The following GOLM1 variants were observed in gnomAD, a reference collection of about 807,000 sequenced individuals.
The protein encoded by GOLM1 is epididymis luminal protein 46.
Under a neutral mutation model 50.5 loss-of-function variants are expected in GOLM1, and 31 were observed. That is an observed-to-expected ratio of 0.61 (90% CI 0.46 to 0.83). The LOEUF (loss-of-function observed/expected upper bound fraction) is 0.83, where lower values mean the gene tolerates loss of function less well. GOLM1 is among the 40% of genes least tolerant of loss of function. The pLI is 0.00. For missense variants in GOLM1, 491 were observed against 501.3 expected (o/e 0.98, Z 0.20); for synonymous variants, 178 against 192.8 (o/e 0.92, Z 0.64).
Position 86,079,279 on chromosome 9 carries a change from C to A in GOLM1, c.42G>T (p.Pro14=). Residue 14 remains proline (P), a synonymous_variant, in exon 2 of 10, where the codon CCG becomes CCT. Coordinates refer to ENST00000388712, the MANE Select transcript of GOLM1 (RefSeq NM_016548.4). ...CCACCAGGGCGGCCAGCACGAGGGG[C>A]GGCGACTTCATGCTGCGACGCCCGT... ...LGNGRRSMKS[P]PLVLAALVAC... 1 of 1,609,014 alleles carries A rather than the reference C, an allele frequency of 6.2e-7. No individual in the cohort carries two copies. Among genetic ancestry groups the A allele is most frequent in the Non-Finnish European group, 8.5e-7 (1 of 1,176,644 alleles).
At chr9:86,035,064 C>A (rs961541507) in intron 8 of GOLM1, 1 of 985,312 alleles carries the variant, frequency 1.0e-6, no homozygotes, top group African/African-American at 1.7e-5. Context: ...ATGTGGCCTG[C>A]CTGCCAGGAG....
chr9:86,097,823 G>A (rs1198757898), intron 1 of GOLM1, among the ~76,000 whole-genome samples: 1 of 152,100 alleles, frequency 6.6e-6, no homozygotes, highest in Non-Finnish European at 1.5e-5. Flanking sequence ...ATATAAACCC[G>A]GGTAGCCCTG....
At chr9:86,090,584 C>T (rs1394886146) in intron 1 of GOLM1, among the ~76,000 whole-genome samples, 2 of 152,116 alleles carry the variant, frequency 1.3e-5, no homozygotes, top group Non-Finnish European at 2.9e-5. Context: ...GATGCCCCTC[C>T]CCTCTACCAA....
intron 6 of GOLM1, among the ~76,000 whole-genome samples, chr9:86,038,394 C>T (rs142442044): frequency 2.0e-5 from 3 of 152,192 alleles, no homozygotes; most frequent in Non-Finnish European, 2.9e-5. Flanking sequence ...TCACGAGGAG[C>T]GCATTACCCA....
chr9:86,036,154 C>T (rs111782129), intron 7 of GOLM1, among the ~76,000 whole-genome samples, 194 bp downstream of exon 7: 1 of 152,004 alleles, frequency 6.6e-6, no homozygotes, highest in Non-Finnish European at 1.5e-5. Flanking sequence ...AGGAACAAGG[C>T]ACTTCGTTTA....
chr9:86,027,973 C>T (rs2118593167), intron 9 of GOLM1, 80 bp from the exon 10 acceptor site: 1 of 757,920 alleles, frequency 1.3e-6, no homozygotes, highest in South Asian at 1.7e-5. Context: ...TTCTTATCAA[C>T]TTCTAGAAAC....
chr9:86,073,092 AAAAGGAAACTGAAAAAAAGAT>A lies in GOLM1; in HGVS notation c.309+4299_309+4319del, dbSNP rs1462430550. The stretch of plus-strand genomic sequence containing the variant: ...TAAATCACTTCACTGAAGAAGGGTA[AAAAGGAAACTGAAAAAAAGAT>A]AACCTTGACAATGCATTTTTATTTT... On this transcript the variant is annotated intron_variant, in intron 3 of 9. Coordinates refer to ENST00000388712, the MANE Select transcript of GOLM1 (RefSeq NM_016548.4). 3.9e-5 allele frequency among the ~76,000 whole-genome samples: 6 copies of A among 152,244 alleles called. No homozygotes were observed. The East Asian group carries it at 1.2e-3, about 29-fold the overall frequency.
At chr9:86,031,619 G>A (rs1239421790) in intron 9 of GOLM1, among the ~76,000 whole-genome samples, 2 of 151,396 alleles carry the variant, frequency 1.3e-5, no homozygotes, top group Admixed American at 6.6e-5. Context: ...GTGCCACCAC[G>A]CCTGGCTAAT....
rs1051730515 is a variant in GOLM1, at chr9:86,077,750, T to C, written c.130-159A>G. On this transcript the variant is annotated intron_variant, in intron 2 of 9. Coordinates refer to ENST00000388712, the MANE Select transcript of GOLM1 (RefSeq NM_016548.4). ...TGTTTTAAGTCAACTGGACAGAAGC[T>C]GGAGCGGTTTCTTCTGGAAAAAATG... is the stretch of plus-strand genomic sequence containing the variant. The C allele has an allele frequency of 6.8e-6, 4 of 586,654 alleles. No individual in the cohort carries two copies. The African/African-American group carries it at 7.4e-5, about 11-fold the overall frequency. The allele number at this position is 586,654 out of a possible 1,614,324, so 36.3% of individuals were successfully genotyped here. A position where few individuals can be genotyped will look rare whatever the true frequency, so the allele number is the denominator to read the frequency against.
intron 1 of GOLM1, among the ~76,000 whole-genome samples, chr9:86,099,051 T>C (rs1835444300): frequency 6.6e-6 from 1 of 152,168 alleles, no homozygotes; most frequent in Non-Finnish European, 1.5e-5. Flanking sequence ...GGGTGCACGC[T>C]TTTGACTTTG....
intron 3 of GOLM1, among the ~76,000 whole-genome samples, chr9:86,068,126 G>A (rs192430724): frequency 6.6e-6 from 1 of 152,158 alleles, no homozygotes; most frequent in Non-Finnish European, 1.5e-5. Context: ...GTTCTTATAA[G>A]AGGAGGAGAA....
chr9:86,053,536 AAAC>A, intron 3 of GOLM1, among the ~76,000 whole-genome samples: 1 of 104,564 alleles, frequency 9.6e-6, no homozygotes, highest in African/African-American at 3.4e-5. Flanking sequence ...ACTCCACACC[AAAC>A]CACACCAAAC....
chr9:86,064,611 C>A (rs1316814906), intron 3 of GOLM1, among the ~76,000 whole-genome samples: 5 of 152,226 alleles, frequency 3.3e-5, no homozygotes, highest in Admixed American at 2.6e-4. Flanking sequence ...TCTGACCACA[C>A]TGCTCCATCA....
intron 3 of GOLM1, among the ~76,000 whole-genome samples, chr9:86,059,010 A>T (rs1353383920): frequency 6.6e-6 from 1 of 152,168 alleles, no homozygotes; most frequent in Non-Finnish European, 1.5e-5. Flanking sequence ...AAAAATAAAT[A>T]AATAAAAATA....
Position 86,027,760 on chromosome 9 carries a change from G to T in GOLM1, c.*57C>A. 2 of 1,581,568 alleles carry T rather than the reference G, an allele frequency of 1.3e-6. No individual in the cohort carries two copies. The highest frequency in any genetic ancestry group is 1.2e-5 in the South Asian group (1 of 85,536). On this transcript the variant is annotated 3_prime_UTR_variant, in exon 10 of 10. Coordinates refer to ENST00000388712, the MANE Select transcript of GOLM1 (RefSeq NM_016548.4). The stretch of plus-strand genomic sequence containing the variant: ...CAGTTTTCAGTATTCAGTCCCTCAT[G>T]AACATTTTATAGTCATCTCTTCGGC...
chr9:86,057,014 C>T (rs1350515771), intron 3 of GOLM1, among the ~76,000 whole-genome samples: 1 of 152,164 alleles, frequency 6.6e-6, no homozygotes, highest in Non-Finnish European at 1.5e-5. Flanking sequence ...CTACTCTAAA[C>T]AGCCAGGTTG....
chr9:86,040,589 C>T, intron 6 of GOLM1, 150 bp downstream of exon 6: 1 of 677,214 alleles, frequency 1.5e-6, no homozygotes, highest in Non-Finnish European at 2.5e-6. Flanking sequence ...CCAGTCATCC[C>T]AGTACCAGGT....
In GOLM1 at chr9:86,066,317, C is replaced by T. The variant is rs1014592501; in HGVS notation, c.309+11095G>A. 3.9e-5 allele frequency among the ~76,000 whole-genome samples: 6 copies of T among 152,138 alleles called. 1 individual carries two copies. The highest frequency in any genetic ancestry group is 9.7e-5 in the African/African-American group (4 of 41,428). ...CAAGTTACTGTGCAAGAGGAGAAAC[C>T]GGGCAGCTCCCTGAAACCACCTGGA... On this transcript the variant is annotated intron_variant, in intron 3 of 9. Coordinates refer to ENST00000388712, the MANE Select transcript of GOLM1 (RefSeq NM_016548.4).
intron 6 of GOLM1, 115 bp from the exon 7 acceptor site, chr9:86,036,622 A>G: frequency 9.5e-7 from 1 of 1,054,884 alleles, no homozygotes; most frequent in Non-Finnish European, 1.4e-6. Context: ...CCTTCCAACC[A>G]AGACCCCGAG....
Sources: gnomAD v4.1 joint callset for allele counts (sites outside exome capture counted in the v4.1 genomes callset) on GRCh38, gnomAD v4.1.1 for gene constraint, MANE v1.5 for transcripts, NCBI Gene and HGNC (gene_info 2026-07-23, HGNC 2026-07-21) for gene names.